The following MGAM variants were observed in gnomAD, a reference collection of about 807,000 sequenced individuals.
The protein encoded by MGAM is maltase-glucoamylase.
Under a neutral mutation model 358.8 loss-of-function variants are expected in MGAM, and 253 were observed. The observed-to-expected ratio is 0.71, with a 90% CI of 0.64 to 0.78. The LOEUF is 0.78. Among genes scored for constraint, MGAM ranks in the 30% least tolerant of loss-of-function variants. MGAM has a pLI of 0.00. For synonymous variants in MGAM, 1,105 were observed against 1,227.1 expected, an observed-to-expected ratio of 0.90 and a Z score of 2.08; for missense variants, 3,080 against 3,432.6, an observed-to-expected ratio of 0.90 and a Z score of 2.57.
chr7:142,002,915 A>G (rs1313617386), intron 1 of MGAM, among the ~76,000 whole-genome samples: 4 of 152,124 alleles, frequency 2.6e-5, no homozygotes, highest in Non-Finnish European at 4.4e-5. Flanking sequence ...AAAAATTAGT[A>G]GCATTTCCAT....
rs755439007 is a variant in MGAM, at chr7:142,071,051, A to G, written c.5119A>G (p.Ile1707Val). 11 of 1,556,494 alleles carry G rather than the reference A, an allele frequency of 7.1e-6. No individual in the cohort carries two copies. The highest frequency in any genetic ancestry group is 8.8e-6 in the Non-Finnish European group (10 of 1,132,626). The change falls in exon 44 of 71, where the codon ATT becomes GTT. Residue 1707 changes from isoleucine to valine, a missense_variant. Coordinates refer to ENST00000475668, the MANE Select transcript of MGAM (RefSeq NM_001365693.1). Reference sequence around the variant, plus strand: ...GACCTTGCCAGCCCCTCTTGACCACATTAATCTTCATGTCCGTGGGGGCTA... The same window carrying G: ...GACCTTGCCAGCCCCTCTTGACCACGTTAATCTTCATGTCCGTGGGGGCTA... ...WKTLPAPLDH[I>V]NLHVRGGYIL...
chr7:142,104,301 A>C (rs184770121), intron 70 of MGAM, among the ~76,000 whole-genome samples: 13 of 152,342 alleles, frequency 8.5e-5, no homozygotes, highest in African/African-American at 3.1e-4. Context: ...AATTTAAAAG[A>C]GGTAGACCCT....
intron 22 of MGAM, 125 bp from the exon 23 acceptor site, chr7:142,050,110 A>G: frequency 1.2e-6 from 1 of 809,870 alleles, no homozygotes. Context: ...AAAATTATTC[A>G]TCCATAAGGA....
chr7:142,006,241 C>G lies in MGAM; in HGVS notation c.127+584C>G, dbSNP rs1323583966. ...TAGATTTTTTTTTAAGATTAGGAAA[C>G]TAAAAGAAGTCAAAAGGAGCCAAAT... On this transcript the variant is annotated intron_variant, in intron 2 of 70. Coordinates refer to ENST00000475668, the MANE Select transcript of MGAM (RefSeq NM_001365693.1). Among the ~76,000 whole-genome samples the G allele has an allele frequency of 2.0e-5, 3 of 151,656 alleles. No homozygotes were observed. In the East Asian group the frequency reaches 5.8e-4, roughly 29 times the overall value.
At position 142,086,301 on chromosome 7, in the gene MGAM, A is replaced by C; in HGVS notation, c.6720A>C (p.Pro2240=). The C allele has an allele frequency of 1.9e-6, 3 of 1,539,000 alleles. 1 individual carries two copies. The highest frequency in any genetic ancestry group is 2.7e-6 in the Non-Finnish European group (3 of 1,122,886). Residue 2240 remains proline, a synonymous_variant, in exon 56 of 71, where the codon CCA becomes CCC. Coordinates refer to ENST00000475668, the MANE Select transcript of MGAM (RefSeq NM_001365693.1). ...AGGATGACGTCTTCATCAAGTACCC[A>C]AATGATGGAGACATTGTCTGGGGAA... is the stretch of plus-strand genomic sequence containing the variant. ...GVEDDVFIKY[P]NDGDIVWGKV...
At position 142,005,596 on chromosome 7, in the gene MGAM, G is replaced by A. The variant is rs782241171; in HGVS notation, c.66G>A (p.Val22=). The A allele has an allele frequency of 1.3e-6, 2 of 1,586,170 alleles. No individual in the cohort carries two copies. Among genetic ancestry groups the A allele is most frequent in the South Asian group, 1.2e-5 (1 of 86,556 alleles). The part of the protein sequence containing the change: ...LEIVLSVLLL[V]LFIISIVLIV... Reference sequence around the variant, plus strand: ...TTGTGCTCAGTGTTCTTCTGCTTGTGTTGTTTATCATCAGTATTGTTCTAA... The same window carrying A: ...TTGTGCTCAGTGTTCTTCTGCTTGTATTGTTTATCATCAGTATTGTTCTAA... Residue 22 remains valine (V), a synonymous_variant, in exon 2 of 71, where the codon GTG becomes GTA. Coordinates refer to ENST00000475668, the MANE Select transcript of MGAM (RefSeq NM_001365693.1).
At chr7:142,072,159 C>A (rs1220464410) in intron 44 of MGAM, among the ~76,000 whole-genome samples, 1 of 145,848 alleles carries the variant, frequency 6.9e-6, no homozygotes, top group African/African-American at 2.4e-5. Context: ...GCTTGAAGTC[C>A]AAAGTCTTTC....
In MGAM at chr7:142,054,279, G is replaced by A. The variant is rs573753808; in HGVS notation, c.3160-475G>A. Among the ~76,000 whole-genome samples, 24 of 152,268 alleles carry A rather than the reference G, an allele frequency of 1.6e-4. 1 individual carries two copies. The South Asian group carries it at 1.7e-3, about 11-fold the overall frequency. ...CATAACACTGCCTTATTGAGCTCAC[G>A]TCCCTAGTGTCTTGTGCAGTGTCAG... On this transcript the variant is annotated intron_variant, in intron 26 of 70. Transcript: ENST00000475668.
chr7:142,094,333 C>G lies in MGAM; in HGVS notation c.7173-31C>G, dbSNP rs1815680078. 1.3e-6 allele frequency: 2 copies of G among 1,499,634 alleles called. 1 individual carries two copies. The highest frequency in any genetic ancestry group is 4.9e-5 in the East Asian group (2 of 40,412). 92.9% of individuals were successfully genotyped at this position (1,499,634 alleles called of 1,614,324 possible). On this transcript the variant is annotated intron_variant, in intron 60 of 70. Transcript: ENST00000475668. Reference sequence around the variant, plus strand: ...ATGGCCTTTGCTTCCTGGCGGTGCCCTCAGTTCACCTCCTTTTCCCCTCCA... The same window carrying G: ...ATGGCCTTTGCTTCCTGGCGGTGCCGTCAGTTCACCTCCTTTTCCCCTCCA...
At chr7:142,013,530 T>C (rs1554455054) in intron 3 of MGAM, among the ~76,000 whole-genome samples, 1 of 152,202 alleles carries the variant, frequency 6.6e-6, no homozygotes, top group African/African-American at 2.4e-5. Context: ...GCGCCTGTAA[T>C]CTTATCAGTA....
At chr7:142,067,986 A>ATATATATTTTTT (rs1236775159) in intron 42 of MGAM, among the ~76,000 whole-genome samples, 2 of 8,694 alleles carry the variant, frequency 2.3e-4, no homozygotes, top group Non-Finnish European at 4.6e-4. Context: ...ATATATATAT[A>ATATATATTTTTT]TTTTTTTTTT....
intron 21 of MGAM, among the ~76,000 whole-genome samples, chr7:142,041,980 ATAATAT>A (rs1808760233): frequency 4.4e-5 from 1 of 22,860 alleles, no homozygotes; most frequent in Non-Finnish European, 8.1e-5. Context: ...TTATATATAT[ATAATAT>A]AATATATATA....
rs374528123 is a variant in MGAM, at chr7:142,019,203, C to T, written c.332C>T (p.Thr111Ile). The T allele has an allele frequency of 5.1e-5, 83 of 1,612,948 alleles. No homozygotes were observed. The highest frequency in any genetic ancestry group is 6.6e-5 in the Non-Finnish European group (78 of 1,179,434). Residue 111 changes from threonine (T) to isoleucine (I), a missense_variant, in exon 4 of 71, where the codon ACA becomes ATA. Coordinates refer to ENST00000475668, the MANE Select transcript of MGAM (RefSeq NM_001365693.1). ...TTGACTAACCTCTTGTTTCAGGCCA[C>T]ATGTGACCAACGTGGCTGTTGCTGG... is the stretch of plus-strand genomic sequence containing the variant. Reference protein sequence around the residue: ...CIPDQPPTKATCDQRGCCWNP... With the variant: ...CIPDQPPTKAICDQRGCCWNP...
At chr7:142,005,715 A>G (rs1285964) in intron 2 of MGAM, 58 bp downstream of exon 2, 7 of 1,526,062 alleles carry the variant, frequency 4.6e-6, no homozygotes, top group South Asian at 3.7e-5. Context: ...CAAACCTTCA[A>G]CAATGTCAGG....
chr7:142,018,285 T>C (rs1554456950), intron 3 of MGAM, among the ~76,000 whole-genome samples: 1 of 152,190 alleles, frequency 6.6e-6, no homozygotes, highest in Non-Finnish European at 1.5e-5. Flanking sequence ...CCTCAGTTCA[T>C]TGCTGGCTGC....
upstream of MGAM, among the ~76,000 whole-genome samples, chr7:141,992,014 A>G (rs567167511): frequency 2.0e-5 from 3 of 152,246 alleles, no homozygotes; most frequent in South Asian, 4.1e-4. Flanking sequence ...GTAAACATGA[A>G]TGACTGCCTG....
At chr7:142,054,102 G>A (rs1046526040) in intron 26 of MGAM, among the ~76,000 whole-genome samples, 3 of 152,040 alleles carry the variant, frequency 2.0e-5, no homozygotes, top group African/African-American at 4.8e-5. Flanking sequence ...TATTTCTCCC[G>A]TGAGACCGTC....
chr7:142,027,150 C>G lies in MGAM; in HGVS notation c.1018C>G (p.Arg340Gly), dbSNP rs199961575. Reference sequence around the variant, plus strand: ...TCAGCCTGCGCCAGCCATCACTTACCGCACCATTGGGGGCATTCTCGACTT... The same window carrying G: ...TCAGCCTGCGCCAGCCATCACTTACGGCACCATTGGGGGCATTCTCGACTT... ...VLQPAPAITYRTIGGILDFYV... is the reference protein window; with the variant it reads ...VLQPAPAITYGTIGGILDFYV... Residue 340 changes from arginine (R) to glycine (G), a missense_variant, in exon 9 of 71, where the codon CGC becomes GGC. By Grantham distance (125) the Arg-to-Gly change is moderately radical (BLOSUM62 -2). Around this residue, in one of 5 missense-constraint regions of MGAM, gnomAD observed 1,816 missense variants for 1,840.5 expected, o/e 0.99. Transcript: ENST00000475668. 3.1e-6 allele frequency: 5 copies of G among 1,613,412 alleles called. No homozygotes were observed. In the African/African-American group the frequency reaches 4.0e-5, roughly 13 times the overall value.
chr7:142,021,797 C>T, intron 6 of MGAM, 60 bp downstream of exon 6: 2 of 1,550,248 alleles, frequency 1.3e-6, no homozygotes, highest in Non-Finnish European at 8.9e-7. Context: ...GGTCTGTAAG[C>T]ATGAAGAAGG....
Sources: allele counts gnomAD v4.1 joint callset (sites outside exome capture counted in the v4.1 genomes callset), GRCh38; gene constraint gnomAD v4.1.1; regional missense constraint gnomAD v4.1.1; transcripts MANE v1.5; gene names NCBI Gene and HGNC (gene_info 2026-07-23, HGNC 2026-07-21).